The following PEAK1 variants were observed in gnomAD, a reference collection of about 807,000 sequenced individuals.
PEAK1 encodes pseudopodium enriched atypical kinase 1.
A neutral mutation model predicts 124.7 loss-of-function variants in PEAK1; 54 were observed. The observed-to-expected ratio is 0.43, with a 90% CI of 0.35 to 0.54. The LOEUF (loss-of-function observed/expected upper bound fraction) is 0.54. PEAK1 is among the 20% of genes least tolerant of loss of function. PEAK1 has a pLI of 0.01. For synonymous variants in PEAK1, 719 were observed against 760.0 expected, an observed-to-expected ratio of 0.95 and a Z score of 0.89; for missense variants, 2,046 against 2,134.5, an observed-to-expected ratio of 0.96 and a Z score of 0.82.
intron 2 of PEAK1, chr15:77,334,430 A>G (rs2066071078): frequency 1.0e-6 from 1 of 985,134 alleles, no homozygotes; most frequent in African/African-American, 1.7e-5. Context: ...CCAGGCTTCT[A>G]CTTGTACCTG....
chr15:77,181,402 T>C lies in PEAK1; in HGVS notation c.525A>G (p.Thr175=). 6.2e-7 allele frequency: 1 copy of C among 1,614,212 alleles called. No homozygotes were observed. Among genetic ancestry groups the C allele is most frequent in the Non-Finnish European group, 8.5e-7 (1 of 1,180,028 alleles). ...IRGNETNSRE[T]FLGRINDCYK... ...AGCAATCATTTATTCTTCCCAAGAA[T>C]GTTTCTCTGGAGTTTGTTTCATTTC... The change falls in exon 7 of 10, where the codon ACA becomes ACG. Residue 175 remains threonine, a synonymous_variant. Transcript: ENST00000682557.
chr15:77,410,689 C>T (rs1212164572), intron 1 of PEAK1, among the ~76,000 whole-genome samples: 3 of 152,188 alleles, frequency 2.0e-5, no homozygotes, highest in Admixed American at 6.5e-5. Flanking sequence ...AGTCTTTGCA[C>T]TCAATGCATT....
intron 6 of PEAK1, among the ~76,000 whole-genome samples, chr15:77,217,303 A>G (rs1286371948): frequency 2.0e-5 from 3 of 151,770 alleles, no homozygotes; most frequent in Non-Finnish European, 4.4e-5. Flanking sequence ...CAAGATGTGG[A>G]AATGGTCCAT....
At chr15:77,134,248 A>G (rs1192487505) in intron 8 of PEAK1, among the ~76,000 whole-genome samples, 3 of 152,220 alleles carry the variant, frequency 2.0e-5, no homozygotes, top group Non-Finnish European at 4.4e-5. Flanking sequence ...TTTTTATTCC[A>G]AAGTTACATT....
chr15:77,367,059 G>A (rs959974686), intron 1 of PEAK1, among the ~76,000 whole-genome samples: 12 of 152,098 alleles, frequency 7.9e-5, no homozygotes, highest in African/African-American at 1.2e-4. Flanking sequence ...GCTTCAACCC[G>A]GGAGGCAGAG....
chr15:77,383,538 G>A (rs2069665429), intron 1 of PEAK1, among the ~76,000 whole-genome samples: 1 of 152,144 alleles, frequency 6.6e-6, no homozygotes, highest in South Asian at 2.1e-4. Context: ...GATTCAGACT[G>A]GGGACTGCAT....
chr15:77,148,120 T>C (rs2054303944), intron 8 of PEAK1, among the ~76,000 whole-genome samples: 1 of 152,160 alleles, frequency 6.6e-6, no homozygotes, highest in South Asian at 2.1e-4. Flanking sequence ...TGGAGGTAGA[T>C]GCCTAAAGTA....
At chr15:77,132,284 C>A (rs1218303152) in intron 9 of PEAK1, among the ~76,000 whole-genome samples, 3 of 151,808 alleles carry the variant, frequency 2.0e-5, no homozygotes, top group Admixed American at 6.6e-5. Flanking sequence ...AGGGTTTCAC[C>A]ACGTTGCCTA....
At chr15:77,148,696 T>C (rs1057160008) in intron 8 of PEAK1, among the ~76,000 whole-genome samples, 3 of 151,876 alleles carry the variant, frequency 2.0e-5, no homozygotes, top group Non-Finnish European at 2.9e-5. Context: ...GTTGGAGGAC[T>C]GCTTGAGGCC....
intron 5 of PEAK1, among the ~76,000 whole-genome samples, chr15:77,271,505 C>A (rs1380613116): frequency 6.6e-6 from 1 of 152,010 alleles, no homozygotes; most frequent in East Asian, 1.9e-4. Flanking sequence ...GCACTATTCA[C>A]AATAGCAAAG....
At chr15:77,404,617 G>A in intron 1 of PEAK1, 13 of 926,346 alleles carry the variant, frequency 1.4e-5, no homozygotes, top group Non-Finnish European at 1.7e-5. Context: ...CTATTGGACA[G>A]CACTGCTTTA....
At chr15:77,144,216 G>A (rs2054009636) in intron 8 of PEAK1, among the ~76,000 whole-genome samples, 1 of 152,172 alleles carries the variant, frequency 6.6e-6, no homozygotes, top group Non-Finnish European at 1.5e-5. Context: ...AAGGCTCTCT[G>A]TCTTATCTAC....
intron 5 of PEAK1, among the ~76,000 whole-genome samples, chr15:77,258,582 C>T (rs2061286472): frequency 6.6e-6 from 1 of 152,068 alleles, no homozygotes; most frequent in Admixed American, 6.5e-5. Flanking sequence ...ATTTTGTATC[C>T]TGAGACTTTG....
At chr15:77,404,748 T>C (rs1309664354) in intron 1 of PEAK1, 1 of 952,256 alleles carries the variant, frequency 1.1e-6, no homozygotes, top group African/African-American at 1.8e-5. Flanking sequence ...ATAAAGTCTA[T>C]GATACATTAT....
chr15:77,197,874 T>C (rs968974512), intron 6 of PEAK1, among the ~76,000 whole-genome samples: 16 of 152,258 alleles, frequency 1.1e-4, no homozygotes, highest in African/African-American at 3.9e-4. Context: ...TGGAAAATTT[T>C]ATGGTGATTT....
rs76313014 is a variant in PEAK1, at chr15:77,193,327, A to G, written c.-114-11287T>C. 1.2e-4 allele frequency among the ~76,000 whole-genome samples: 19 copies of G among 152,322 alleles called. No individual in the cohort carries two copies. In the East Asian group the frequency reaches 3.5e-3, roughly 28 times the overall value. On this transcript the variant is annotated intron_variant, in intron 6 of 9. Transcript: ENST00000682557. The stretch of plus-strand genomic sequence containing the variant: ...TCATTTTACACACAAATTTAATTTG[A>G]TCAGCTTAAATTAGTTTTATTGATC...
intron 5 of PEAK1, among the ~76,000 whole-genome samples, chr15:77,263,860 A>C (rs1235801080): frequency 6.6e-6 from 1 of 152,182 alleles, no homozygotes; most frequent in Non-Finnish European, 1.5e-5. Flanking sequence ...AATCCTCAAT[A>C]AAATACTAGC....
chr15:77,298,100 A>C (rs1317361296), intron 2 of PEAK1, among the ~76,000 whole-genome samples: 1 of 143,392 alleles, frequency 7.0e-6, no homozygotes, highest in East Asian at 2.1e-4. Flanking sequence ...AGAATGTCAC[A>C]GTATTTCAGG....
At chr15:77,320,803 C>A (rs1167031204) in intron 2 of PEAK1, among the ~76,000 whole-genome samples, 1 of 151,766 alleles carries the variant, frequency 6.6e-6, no homozygotes, top group Non-Finnish European at 1.5e-5. Flanking sequence ...AATGCTATCC[C>A]TCCCCCGTCC....
Sources: gnomAD v4.1 joint callset for allele counts (sites outside exome capture counted in the v4.1 genomes callset) on GRCh38, gnomAD v4.1.1 for gene constraint, MANE v1.5 for transcripts, NCBI Gene and HGNC (gene_info 2026-07-23, HGNC 2026-07-21) for gene names.